The following DPP6 variants were observed in gnomAD, a reference collection of about 807,000 sequenced individuals.
The protein encoded by DPP6 is A-type potassium channel modulatory protein DPP6.
Under a neutral mutation model 122.6 loss-of-function variants are expected in DPP6, and 69 were observed. That is an observed-to-expected ratio of 0.56 (90% CI 0.46 to 0.69). DPP6 has a LOEUF of 0.69. DPP6 is among the 30% of genes least tolerant of loss of function. The pLI, the probability that DPP6 is intolerant of heterozygous loss-of-function variation, is 0.00. For synonymous variants in DPP6, 418 were observed against 433.1 expected (o/e 0.97, Z 0.43); for missense variants, 928 against 1,116.9 (o/e 0.83, Z 2.41).
chr7:153,974,963 G>C lies in DPP6; in HGVS notation c.51+87229G>C, dbSNP rs39149. On this transcript the variant is annotated intron_variant, in intron 1 of 25. Transcript: ENST00000404039. ...TCCTTCCTAATGCGCTGGCTTCTTCGACCATGTCCAAGCGAGGGCTCACAT... is the reference window on the plus strand; with the variant it reads ...TCCTTCCTAATGCGCTGGCTTCTTCCACCATGTCCAAGCGAGGGCTCACAT... Among the ~76,000 whole-genome samples the C allele has an allele frequency of 5.9e-5, 9 of 152,178 alleles. No homozygotes were observed. In the Middle Eastern group the frequency reaches 0.01, roughly 173 times the overall value.
At chr7:153,799,749 T>C in the DPP6 span, among the ~76,000 whole-genome samples, 6 of 152,254 alleles carry the variant, frequency 3.9e-5, no homozygotes, top group African/African-American at 1.4e-4. Context: ...GTTTACACTC[T>C]TGAGACTGAA....
rs117414168 is a variant in DPP6 at position 154,820,292 on chromosome 7, C to T, written c.1666+13180C>T. Among the ~76,000 whole-genome samples, 10 of 152,286 alleles carry T rather than the reference C, an allele frequency of 6.6e-5. No individual in the cohort carries two copies. In the East Asian group the frequency reaches 1.7e-3, roughly 26 times the overall value. Reference sequence around the variant, plus strand: ...TAAAGATCTTGTCCATCTGCTGCAGCCAGACCGACTGTAAATATCCTCCGA... The same window carrying T: ...TAAAGATCTTGTCCATCTGCTGCAGTCAGACCGACTGTAAATATCCTCCGA... On this transcript the variant is annotated intron_variant, in intron 16 of 25. Transcript: ENST00000377770.
chr7:154,328,452 C>T (rs1335330188), intron 1 of DPP6, among the ~76,000 whole-genome samples: 2 of 152,042 alleles, frequency 1.3e-5, no homozygotes, highest in African/African-American at 4.8e-5. Flanking sequence ...GGATGATGTT[C>T]ATGTAAAGTG....
chr7:154,245,460 C>A (rs1801914202), intron 1 of DPP6, among the ~76,000 whole-genome samples: 1 of 150,838 alleles, frequency 6.6e-6, no homozygotes, highest in Non-Finnish European at 1.5e-5. Flanking sequence ...CATGGTGAAA[C>A]CCTGTCTCTA....
intron 1 of DPP6, among the ~76,000 whole-genome samples, chr7:154,213,810 A>G (rs984452121): frequency 6.6e-6 from 1 of 152,094 alleles, no homozygotes; most frequent in African/African-American, 2.4e-5. Flanking sequence ...AGACAAATGC[A>G]TTCGGTAGAT....
At chr7:154,207,166 A>C (rs1269513049) in intron 1 of DPP6, among the ~76,000 whole-genome samples, 1 of 152,228 alleles carries the variant, frequency 6.6e-6, no homozygotes, top group African/African-American at 2.4e-5. Flanking sequence ...GCACACATAT[A>C]AAAGTTCTAA....
the DPP6 span, among the ~76,000 whole-genome samples, chr7:153,808,289 G>C: frequency 1.3e-5 from 2 of 148,740 alleles, no homozygotes; most frequent in Non-Finnish European, 3.0e-5. Context: ...GTGTGTGCCT[G>C]TGTGTGTGTC....
chr7:154,889,369 CTG>C, intron 24 of DPP6, 25 bp downstream of exon 24: 1 of 1,611,478 alleles, frequency 6.2e-7, no homozygotes, highest in Non-Finnish European at 8.5e-7. Flanking sequence ...CATGAATTCA[CTG>C]TGTATCTAGT....
intron 1 of DPP6, among the ~76,000 whole-genome samples, chr7:154,293,470 G>T (rs34039265): frequency 0.48 from 72,379 of 151,826 alleles, 18,604 homozygotes; most frequent in African/African-American, 0.69. Flanking sequence ...GGGGAGAGGG[G>T]GGAAATGGAG....
At chr7:153,977,586 C>A (rs1316441159) in intron 1 of DPP6, among the ~76,000 whole-genome samples, 6 of 151,950 alleles carry the variant, frequency 3.9e-5, no homozygotes, top group Admixed American at 3.9e-4. Flanking sequence ...ACTTTAAGTT[C>A]TGGGATACAT....
chr7:154,598,202 A>G (rs1434683671), intron 5 of DPP6, among the ~76,000 whole-genome samples: 3 of 152,240 alleles, frequency 2.0e-5, no homozygotes, highest in Admixed American at 1.3e-4. Context: ...GCCAGTATTA[A>G]TATATGAAAC....
chr7:154,308,320 A>AT (rs1245803199), intron 1 of DPP6, among the ~76,000 whole-genome samples: 1 of 151,862 alleles, frequency 6.6e-6, no homozygotes, highest in African/African-American at 2.4e-5. Flanking sequence ...TTGCTAAAAA[A>AT]AATGTGTAAA....
chr7:154,682,850 T>TC (rs1244943062), intron 7 of DPP6, among the ~76,000 whole-genome samples: 2 of 152,236 alleles, frequency 1.3e-5, no homozygotes, highest in African/African-American at 4.8e-5. Flanking sequence ...CACAGTGCCT[T>TC]ACTCGTGCTA....
At chr7:154,640,325 A>G (rs979533700) in intron 6 of DPP6, among the ~76,000 whole-genome samples, 25 of 152,188 alleles carry the variant, frequency 1.6e-4, no homozygotes, top group Non-Finnish European at 3.1e-4. Flanking sequence ...AGCTATAAAG[A>G]TGAGATTTTT....
chr7:154,111,439 A>C (rs1374657224), intron 1 of DPP6, among the ~76,000 whole-genome samples: 1 of 152,208 alleles, frequency 6.6e-6, no homozygotes, highest in Non-Finnish European at 1.5e-5. Flanking sequence ...CTAGAAGTGC[A>C]TGGCAGATAG....
At chr7:154,522,849 C>G (rs1036914451) in intron 3 of DPP6, among the ~76,000 whole-genome samples, 1 of 152,238 alleles carries the variant, frequency 6.6e-6, no homozygotes, top group South Asian at 2.1e-4. Flanking sequence ...ACGTGCACCT[C>G]TGGCTTCCCA....
chr7:154,533,418 G>C (rs2130145975), intron 3 of DPP6, among the ~76,000 whole-genome samples: 1 of 152,304 alleles, frequency 6.6e-6, no homozygotes, highest in Admixed American at 6.5e-5. Flanking sequence ...CTCTATTTCG[G>C]TTAAAGAACT....
At chr7:154,118,002 T>A (rs368856391) in intron 1 of DPP6, among the ~76,000 whole-genome samples, 4,643 of 147,606 alleles carry the variant, frequency 0.031, 268 homozygotes, top group African/African-American at 0.12. Flanking sequence ...TGAGAAGAAC[T>A]ACAATCTGGT....
chr7:154,182,328 G>C (rs967756969), intron 1 of DPP6, among the ~76,000 whole-genome samples: 1 of 152,142 alleles, frequency 6.6e-6, no homozygotes, highest in Non-Finnish European at 1.5e-5. Context: ...AAGAAGAAGC[G>C]TTTATTTCTC....
Sources: gnomAD v4.1 joint callset for allele counts (sites outside exome capture counted in the v4.1 genomes callset) on GRCh38, gnomAD v4.1.1 for gene constraint, MANE v1.5 for transcripts, NCBI Gene and HGNC (gene_info 2026-07-23, HGNC 2026-07-21) for gene names.